The following DOK5 variants were observed in gnomAD, a reference collection of about 807,000 sequenced individuals.
DOK5 encodes the protein downstream of tyrosine kinase 5.
In DOK5, 27 loss-of-function variants were observed where a neutral mutation model predicts 43.3. The observed-to-expected ratio is 0.62, with a 90% CI of 0.46 to 0.86. DOK5 has a LOEUF of 0.86. Among genes scored for constraint, DOK5 ranks in the 40% least tolerant of loss-of-function variants. The pLI, the probability that DOK5 is intolerant of heterozygous loss-of-function variation, is 0.00. For missense variants in DOK5, 373 were observed against 392.9 expected, an observed-to-expected ratio of 0.95 and a Z score of 0.43; for synonymous variants, 146 against 140.1, an observed-to-expected ratio of 1.04 and a Z score of -0.30.
chr20:54,559,719 G>A (rs1984837277), intron 2 of DOK5, among the ~76,000 whole-genome samples: 1 of 152,124 alleles, frequency 6.6e-6, no homozygotes, highest in Non-Finnish European at 1.5e-5. Flanking sequence ...TTTTAATCGT[G>A]TGTTCCATGG....
chr20:54,565,904 G>A (rs1025483165), intron 2 of DOK5, among the ~76,000 whole-genome samples: 8 of 151,642 alleles, frequency 5.3e-5, no homozygotes, highest in African/African-American at 1.9e-4. Flanking sequence ...TGTAGTCCCA[G>A]CTACTCAGAA....
intron 2 of DOK5, among the ~76,000 whole-genome samples, chr20:54,585,543 C>T (rs140296474): frequency 6.6e-6 from 1 of 152,118 alleles, no homozygotes; most frequent in East Asian, 1.9e-4. Context: ...CACACGTGCT[C>T]TACCTCCACC....
chr20:54,640,540 T>C (rs562640748), intron 6 of DOK5, among the ~76,000 whole-genome samples: 1 of 152,362 alleles, frequency 6.6e-6, no homozygotes, highest in Admixed American at 6.5e-5. Flanking sequence ...CAAAGACAAT[T>C]AAAATGCTTC....
intron 1 of DOK5, among the ~76,000 whole-genome samples, chr20:54,492,015 C>T: frequency 6.6e-6 from 1 of 151,782 alleles, no homozygotes; most frequent in Non-Finnish European, 1.5e-5. Flanking sequence ...TGGACCCACT[C>T]TATCTACAAC....
At chr20:54,607,079 T>G (rs1173010444) in intron 5 of DOK5, among the ~76,000 whole-genome samples, 2 of 152,204 alleles carry the variant, frequency 1.3e-5, no homozygotes, top group African/African-American at 4.8e-5. Flanking sequence ...TTAAACATAA[T>G]AGAATGCAGG....
intron 7 of DOK5, among the ~76,000 whole-genome samples, chr20:54,649,280 C>T (rs140942955): frequency 3.3e-5 from 5 of 152,146 alleles, no homozygotes; most frequent in Non-Finnish European, 7.4e-5. Flanking sequence ...GAATTAGTCA[C>T]GTGTGGTGGC....
intron 1 of DOK5, among the ~76,000 whole-genome samples, chr20:54,533,248 A>T (rs75180609): frequency 0.02 from 3,025 of 152,236 alleles, 103 homozygotes; most frequent in African/African-American, 0.07. Flanking sequence ...AACCCCTCTC[A>T]GTTGTGATGA....
intron 6 of DOK5, among the ~76,000 whole-genome samples, chr20:54,625,426 ATACAGT>A (rs1013385495): frequency 1.3e-5 from 2 of 152,222 alleles, no homozygotes; most frequent in African/African-American, 4.8e-5. Flanking sequence ...AGCTTTGGAA[ATACAGT>A]TAAGGTGCCT....
chr20:54,566,012 G>A (rs775208807), intron 2 of DOK5, among the ~76,000 whole-genome samples: 25 of 123,790 alleles, frequency 2.0e-4, no homozygotes, highest in Middle Eastern at 3.9e-3. Flanking sequence ...GCGAGATTCC[G>A]TCTCAAAAAA....
intron 2 of DOK5, among the ~76,000 whole-genome samples, chr20:54,575,055 C>T (rs1380165346): frequency 6.6e-6 from 1 of 152,136 alleles, no homozygotes; most frequent in Non-Finnish European, 1.5e-5. Flanking sequence ...ATCTGAATCT[C>T]ATCAAACTTT....
At chr20:54,638,116 T>C (rs1369225543) in intron 6 of DOK5, among the ~76,000 whole-genome samples, 31 of 87,550 alleles carry the variant, frequency 3.5e-4, no homozygotes, top group African/African-American at 1.1e-3. Context: ...AGCGAGACTC[T>C]GTCTCGAAAA....
intron 1 of DOK5, among the ~76,000 whole-genome samples, chr20:54,524,361 G>A (rs1417698239): frequency 1.3e-5 from 2 of 152,152 alleles, no homozygotes; most frequent in Non-Finnish European, 2.9e-5. Flanking sequence ...CTGTTAAATG[G>A]CCCATTAGAA....
intron 5 of DOK5, among the ~76,000 whole-genome samples, chr20:54,593,729 A>C (rs1986049446): frequency 6.6e-6 from 1 of 152,230 alleles, no homozygotes; most frequent in South Asian, 2.1e-4. Flanking sequence ...ACAATAACAA[A>C]GACATGGAAT....
intron 1 of DOK5, among the ~76,000 whole-genome samples, chr20:54,481,009 C>CT (rs1555822353): frequency 5.3e-5 from 7 of 132,836 alleles, no homozygotes; most frequent in Non-Finnish European, 8.1e-5. Context: ...TATCATCTAT[C>CT]ATCTATCTAT....
intron 2 of DOK5, among the ~76,000 whole-genome samples, chr20:54,581,665 T>C (rs935433065): frequency 2.0e-5 from 3 of 151,984 alleles, no homozygotes; most frequent in Admixed American, 6.6e-5. Context: ...GTGAGATAAT[T>C]TTCTTAATTT....
At chr20:54,537,156 C>T (rs2146712027) in intron 1 of DOK5, among the ~76,000 whole-genome samples, 1 of 152,304 alleles carries the variant, frequency 6.6e-6, no homozygotes, top group South Asian at 2.1e-4. Flanking sequence ...GGGGCCCCGT[C>T]AAGTATCAAG....
chr20:54,596,180 G>A (rs1372926514), intron 5 of DOK5, among the ~76,000 whole-genome samples: 4 of 152,186 alleles, frequency 2.6e-5, no homozygotes, highest in African/African-American at 4.8e-5. Context: ...CACACCAAGC[G>A]TGAAGGTTTC....
At chr20:54,477,608 T>C (rs769138671) in intron 1 of DOK5, among the ~76,000 whole-genome samples, 15 of 151,576 alleles carry the variant, frequency 9.9e-5, no homozygotes, top group Non-Finnish European at 1.9e-4. Context: ...GGTATGCTTA[T>C]AGGCTGGCCA....
chr20:54,618,469 T>A (rs4581960), intron 6 of DOK5, among the ~76,000 whole-genome samples: 25 of 151,748 alleles, frequency 1.6e-4, no homozygotes, highest in Middle Eastern at 3.4e-3. Context: ...TCAGCCTCCC[T>A]AGTAGTTGGG....
Sources: allele counts gnomAD v4.1 joint callset (sites outside exome capture counted in the v4.1 genomes callset), GRCh38; gene constraint gnomAD v4.1.1; transcripts MANE v1.5; gene names NCBI Gene and HGNC (gene_info 2026-07-23, HGNC 2026-07-21).